The following CDKAL1 variants were observed in gnomAD, a reference collection of about 807,000 sequenced individuals.
The protein encoded by CDKAL1 is threonylcarbamoyladenosine tRNA methylthiotransferase.
CDKAL1 carries 32 observed loss-of-function variants against 68.2 expected under a neutral mutation model. The observed-to-expected ratio is 0.47, with a 90% CI of 0.35 to 0.63. The LOEUF (loss-of-function observed/expected upper bound fraction) is 0.63. Among genes scored for constraint, CDKAL1 ranks in the 30% least tolerant of loss-of-function variants. The pLI, the probability that CDKAL1 is intolerant of heterozygous loss-of-function variation, is 0.00. For missense variants in CDKAL1, 606 were observed against 696.7 expected (o/e 0.87, Z 1.47); for synonymous variants, 234 against 244.3 (o/e 0.96, Z 0.39).
chr6:21,161,018 A>G (rs1228686562), intron 13 of CDKAL1, among the ~76,000 whole-genome samples: 1 of 152,112 alleles, frequency 6.6e-6, no homozygotes, highest in African/African-American at 2.4e-5. Flanking sequence ...GATCAATGGT[A>G]ATACAGGAAG....
intron 12 of CDKAL1, among the ~76,000 whole-genome samples, chr6:21,103,809 GA>G (rs1773709628): frequency 6.6e-6 from 1 of 152,176 alleles, no homozygotes; most frequent in Non-Finnish European, 1.5e-5. Flanking sequence ...AATGCTTGGA[GA>G]GCTAACAGGT....
rs1346845075 is a variant in CDKAL1, at chr6:21,232,085, C to A, written c.*1046C>A. ...GCAATGGCACTATCTTGGCTCACTG[C>A]AGCCTTGACCTCCTGGACTCAAGCA... On this transcript the variant is annotated 3_prime_UTR_variant, in exon 16 of 16. Transcript: ENST00000274695. The A allele has an allele frequency of 6.7e-6, 1 of 148,744 alleles. No homozygotes were observed. The highest frequency in any genetic ancestry group is 2.2e-4 in the South Asian group (1 of 4,634). 9.2% of individuals were successfully genotyped at this position (148,744 alleles called of 1,614,324 possible). A position where few individuals can be genotyped will look rare whatever the true frequency, so the allele number is the denominator to read the frequency against.
chr6:20,955,654 G>A (rs1224105446), intron 10 of CDKAL1, 69 bp downstream of exon 10: 13 of 1,346,914 alleles, frequency 9.7e-6, no homozygotes, highest in Non-Finnish European at 1.2e-5. Flanking sequence ...GGCAGCCTCA[G>A]TATCATCACA....
intron 13 of CDKAL1, among the ~76,000 whole-genome samples, chr6:21,126,294 T>C (rs1775009199): frequency 6.6e-6 from 1 of 152,238 alleles, no homozygotes; most frequent in Admixed American, 6.5e-5. Context: ...CTCCTTATAA[T>C]GGAGCGATGC....
At chr6:20,621,768 C>A (rs567881771) in intron 4 of CDKAL1, among the ~76,000 whole-genome samples, 44 of 118,670 alleles carry the variant, frequency 3.7e-4, no homozygotes, top group African/African-American at 1.4e-3. Flanking sequence ...CTTTGCATAC[C>A]TCAGTGTTTT....
intron 5 of CDKAL1, among the ~76,000 whole-genome samples, chr6:20,722,860 A>C (rs773034728): frequency 1.3e-5 from 2 of 152,096 alleles, no homozygotes; most frequent in Non-Finnish European, 2.9e-5. Context: ...AGACAGCCAG[A>C]CAGCCAGCCT....
chr6:20,621,538 A>G (rs533026954), intron 4 of CDKAL1, among the ~76,000 whole-genome samples: 1 of 152,228 alleles, frequency 6.6e-6, no homozygotes, highest in South Asian at 2.1e-4. Flanking sequence ...GTGTATCTAC[A>G]TAATTTATTT....
intron 7 of CDKAL1, among the ~76,000 whole-genome samples, chr6:20,761,707 G>A (rs1326020584): frequency 6.6e-6 from 1 of 152,192 alleles, no homozygotes; most frequent in Non-Finnish European, 1.5e-5. Flanking sequence ...ATTGGACATT[G>A]TGGAAAAGGT....
chr6:20,771,986 T>TGCTC (rs1199308656), intron 7 of CDKAL1, among the ~76,000 whole-genome samples: 5 of 152,212 alleles, frequency 3.3e-5, no homozygotes, highest in Non-Finnish European at 5.9e-5. Context: ...TAAAATGGCC[T>TGCTC]ATATTCAGTG....
At chr6:20,805,988 ATTC>A (rs1430138954) in intron 8 of CDKAL1, among the ~76,000 whole-genome samples, 1 of 152,188 alleles carries the variant, frequency 6.6e-6, no homozygotes, top group Non-Finnish European at 1.5e-5. Context: ...TTGGGGTCTT[ATTC>A]TTTTTTAATT....
chr6:21,213,066 G>C (rs948279088), intron 15 of CDKAL1, among the ~76,000 whole-genome samples: 8 of 152,180 alleles, frequency 5.3e-5, no homozygotes, highest in African/African-American at 1.9e-4. Context: ...CTTCCTCCTT[G>C]AAAACATCCG....
chr6:20,984,566 G>T (rs1285482144), intron 10 of CDKAL1, among the ~76,000 whole-genome samples: 1 of 152,176 alleles, frequency 6.6e-6, no homozygotes, highest in Non-Finnish European at 1.5e-5. Context: ...GAGGAATGAG[G>T]TTGCATGATC....
At chr6:20,746,333 C>A (rs1581495803) in intron 6 of CDKAL1, among the ~76,000 whole-genome samples, 2 of 152,154 alleles carry the variant, frequency 1.3e-5, no homozygotes, top group African/African-American at 4.8e-5. Flanking sequence ...GGGGAAGAAT[C>A]TTTTTGAATG....
At chr6:21,169,869 G>C (rs1349673231) in intron 13 of CDKAL1, among the ~76,000 whole-genome samples, 5 of 151,990 alleles carry the variant, frequency 3.3e-5, no homozygotes, top group African/African-American at 4.8e-5. Context: ...CTTTTGTAAA[G>C]CGGTCAGATC....
At chr6:20,991,706 CAAAAAAAAAAA>C (rs35504365) in intron 10 of CDKAL1, among the ~76,000 whole-genome samples, 6 of 59,620 alleles carry the variant, frequency 1.0e-4, no homozygotes, top group African/African-American at 3.3e-4. Flanking sequence ...TATTCCCTCT[CAAAAAAAAAAA>C]AAAAAAAAAA....
At chr6:21,014,401 A>G (rs1768191725) in intron 11 of CDKAL1, among the ~76,000 whole-genome samples, 2 of 152,150 alleles carry the variant, frequency 1.3e-5, no homozygotes, top group Admixed American at 6.5e-5. Flanking sequence ...CAGGAGATCA[A>G]GACCATCCTG....
intron 9 of CDKAL1, among the ~76,000 whole-genome samples, chr6:20,869,584 AGT>A (rs1328923381): frequency 6.6e-6 from 1 of 152,198 alleles, no homozygotes; most frequent in African/African-American, 2.4e-5. Flanking sequence ...CTGAATGCAC[AGT>A]TAAGAATGGG....
At chr6:20,871,424 C>A (rs1045066740) in intron 9 of CDKAL1, among the ~76,000 whole-genome samples, 2 of 152,130 alleles carry the variant, frequency 1.3e-5, no homozygotes, top group African/African-American at 4.8e-5. Context: ...CCTACATTCA[C>A]AGTTGTAGAA....
intron 12 of CDKAL1, among the ~76,000 whole-genome samples, chr6:21,074,080 A>G (rs963157724): frequency 6.6e-6 from 1 of 152,218 alleles, no homozygotes; most frequent in Non-Finnish European, 1.5e-5. Context: ...CAAAGCTTCT[A>G]TAACAAAGTA....
Sources: gnomAD v4.1 joint callset for allele counts (sites outside exome capture counted in the v4.1 genomes callset) on GRCh38, gnomAD v4.1.1 for gene constraint, MANE v1.5 for transcripts, NCBI Gene and HGNC (gene_info 2026-07-23, HGNC 2026-07-21) for gene names.